Variants in CPPED1 observed in about 807,000 individuals in gnomAD.
The protein encoded by CPPED1 is calcineurin like phosphoesterase domain containing 1, also known as serine/threonine-protein phosphatase CPPED1.
Under a neutral mutation model 28.0 loss-of-function variants are expected in CPPED1, and 28 were observed. The observed-to-expected ratio is 1.00, with a 90% confidence interval of 0.74 to 1.37. The LOEUF (loss-of-function observed/expected upper bound fraction) is 1.37. CPPED1 is among the 40% of genes most tolerant of loss of function. The probability of loss-of-function intolerance (pLI) is 0.00; values close to 1 mark genes in which losing one functional copy is unlikely to be tolerated. For synonymous variants in CPPED1, 198 were observed against 180.2 expected (o/e 1.10, Z -0.79); for missense variants, 504 against 416.5 (o/e 1.21, Z -1.83).
chr16:12,788,864 G>A (rs1331380832), intron 1 of CPPED1, among the ~76,000 whole-genome samples: 4 of 152,176 alleles, frequency 2.6e-5, no homozygotes, highest in East Asian at 1.9e-4. Flanking sequence ...TTCCCTGGTC[G>A]GCCGTGATGT....
chr16:12,680,842 C>G (rs1282223585), intron 3 of CPPED1, among the ~76,000 whole-genome samples: 1 of 152,160 alleles, frequency 6.6e-6, no homozygotes, highest in Non-Finnish European at 1.5e-5. Context: ...TGCTGGAAAC[C>G]TGGGTTCAAG....
intron 2 of CPPED1, among the ~76,000 whole-genome samples, chr16:12,744,529 A>T (rs1255640088): frequency 6.6e-6 from 1 of 152,136 alleles, no homozygotes; most frequent in African/African-American, 2.4e-5. Flanking sequence ...GCAGCCAGTG[A>T]CCCGTAAGAG....
At chr16:12,762,162 G>T (rs985313884) in intron 2 of CPPED1, among the ~76,000 whole-genome samples, 43 of 152,328 alleles carry the variant, frequency 2.8e-4, no homozygotes, top group Middle Eastern at 6.8e-3. Flanking sequence ...CAAGGGCAGG[G>T]AACTGGGCCT....
At chr16:12,701,104 C>T (rs1855694813) in intron 3 of CPPED1, among the ~76,000 whole-genome samples, 1 of 152,082 alleles carries the variant, frequency 6.6e-6, no homozygotes, top group African/African-American at 2.4e-5. Flanking sequence ...TGGCACTCCC[C>T]TGTAGTCCCA....
chr16:12,677,022 C>T (rs886881351), intron 3 of CPPED1, among the ~76,000 whole-genome samples: 2 of 152,298 alleles, frequency 1.3e-5, no homozygotes, highest in Non-Finnish European at 2.9e-5. Flanking sequence ...GGTAAAGACA[C>T]ATCAGGTGAG....
intron 2 of CPPED1, among the ~76,000 whole-genome samples, chr16:12,723,484 T>A (rs910046573): frequency 6.6e-6 from 1 of 152,096 alleles, no homozygotes; most frequent in East Asian, 1.9e-4. Flanking sequence ...AGGGGATTAA[T>A]GAGAACACAG....
chr16:12,795,231 C>T (rs1452834763), intron 1 of CPPED1, among the ~76,000 whole-genome samples: 2 of 152,344 alleles, frequency 1.3e-5, no homozygotes, highest in South Asian at 2.1e-4. Flanking sequence ...GAGAAGGTAA[C>T]CCTTCCCCCG....
intron 1 of CPPED1, among the ~76,000 whole-genome samples, chr16:12,798,060 G>C (rs539079620): frequency 6.6e-6 from 1 of 152,056 alleles, no homozygotes; most frequent in East Asian, 1.9e-4. Flanking sequence ...CTCCAGCCTG[G>C]GTGACAGAGC....
In CPPED1 at chr16:12,735,358, C is replaced by T. The variant is rs1375056959; in HGVS notation, c.290-30309G>A. 3.4e-4 allele frequency among the ~76,000 whole-genome samples: 52 copies of T among 152,348 alleles called. 1 individual carries two copies. The highest frequency in any genetic ancestry group is 3.1e-3 in the Admixed American group (48 of 15,308). On this transcript the variant is annotated intron_variant, in intron 2 of 3. Transcript: ENST00000381774. ...CCAGGCTAGAGCACAGTGGCATGAT[C>T]TCGGCTCACTGCAAACTCCACCTCC...
At chr16:12,800,219 G>C (rs892541161) in intron 1 of CPPED1, among the ~76,000 whole-genome samples, 1 of 152,122 alleles carries the variant, frequency 6.6e-6, no homozygotes, top group African/African-American at 2.4e-5. Context: ...AGGCCGAGGT[G>C]CCTGAGGTCA....
At chr16:12,741,489 T>C (rs1228937800) in intron 2 of CPPED1, among the ~76,000 whole-genome samples, 1 of 152,144 alleles carries the variant, frequency 6.6e-6, no homozygotes, top group Non-Finnish European at 1.5e-5. Flanking sequence ...GCCTGATGAT[T>C]TGCTTTCCCC....
In CPPED1 at chr16:12,661,077, T is replaced by G. The variant is rs2079791496; in HGVS notation, c.*3809A>C. The stretch of plus-strand genomic sequence containing the variant: ...CTGCAGTGAGCTGTGATCACACCAC[T>G]GCACTCCAGCCTGGGTGATAGAGCA... On this transcript the variant is annotated 3_prime_UTR_variant, in exon 4 of 4. Transcript: ENST00000381774. 6.6e-6 allele frequency: 1 copy of G among 152,238 alleles called. No individual in the cohort carries two copies. The highest frequency in any genetic ancestry group is 2.4e-5 in the African/African-American group (1 of 41,448). The allele number at this position is 152,238 out of a possible 1,614,324, so 9.4% of individuals were successfully genotyped here. A position where few individuals can be genotyped will look rare whatever the true frequency, so the allele number is the denominator to read the frequency against.
intron 2 of CPPED1, among the ~76,000 whole-genome samples, chr16:12,706,496 TCCTTCCTC>T (rs1473880899): frequency 3.4e-5 from 5 of 148,582 alleles, no homozygotes; most frequent in African/African-American, 1.2e-4. Context: ...TCCCTTCCTT[TCCTTCCTC>T]CCTTCCTTCT....
At chr16:12,792,467 A>G (rs1596487447) in intron 1 of CPPED1, among the ~76,000 whole-genome samples, 1 of 152,110 alleles carries the variant, frequency 6.6e-6, no homozygotes, top group African/African-American at 2.4e-5. Flanking sequence ...CCAGCCCATA[A>G]ACATCAACAA....
intron 1 of CPPED1, among the ~76,000 whole-genome samples, chr16:12,789,519 A>C (rs932089657): frequency 2.6e-5 from 4 of 152,154 alleles, no homozygotes; most frequent in Non-Finnish European, 5.9e-5. Flanking sequence ...AAGAAAAATA[A>C]GCTAATGAGT....
At chr16:12,722,381 G>C (rs1244434839) in intron 2 of CPPED1, among the ~76,000 whole-genome samples, 8 of 152,246 alleles carry the variant, frequency 5.3e-5, no homozygotes, top group African/African-American at 7.2e-5. Context: ...AGGGCAGCCA[G>C]ACGAATGACA....
intron 1 of CPPED1, among the ~76,000 whole-genome samples, chr16:12,795,450 C>A (rs1014688036): frequency 3.3e-5 from 5 of 152,226 alleles, no homozygotes; most frequent in African/African-American, 1.2e-4. Context: ...TGCAGTTCTC[C>A]TGCCTCAGCC....
At chr16:12,683,817 C>T (rs2079918620) in intron 3 of CPPED1, among the ~76,000 whole-genome samples, 1 of 152,212 alleles carries the variant, frequency 6.6e-6, no homozygotes, top group Non-Finnish European at 1.5e-5. Flanking sequence ...TGTATTTGTG[C>T]TTAACTATGA....
At chr16:12,780,983 C>T in intron 2 of CPPED1, 1 of 584,584 alleles carries the variant, frequency 1.7e-6, no homozygotes, top group Non-Finnish European at 3.0e-6. Flanking sequence ...TGCCTAATTA[C>T]TGTGATTAAT....
Sources: gnomAD v4.1 joint callset for allele counts (sites outside exome capture counted in the v4.1 genomes callset) on GRCh38, gnomAD v4.1.1 for gene constraint, MANE v1.5 for transcripts, NCBI Gene and HGNC (gene_info 2026-07-23, HGNC 2026-07-21) for gene names.